The following NEBL variants were observed in gnomAD, a reference collection of about 807,000 sequenced individuals.
NEBL encodes the protein LIM and SH3 protein 2.
Under a neutral mutation model 140.2 loss-of-function variants are expected in NEBL, and 122 were observed. That is an observed-to-expected ratio of 0.87 (90% CI 0.75 to 1.01). The LOEUF is 1.01. NEBL is among the 50% of genes least tolerant of loss of function. The pLI is 0.00. For missense variants in NEBL, 1,365 were observed against 1,231.3 expected (o/e 1.11, Z -1.62); for synonymous variants, 436 against 398.9 (o/e 1.09, Z -1.11).
intron 2 of NEBL, among the ~76,000 whole-genome samples, chr10:21,134,741 T>A (rs1209978318): frequency 6.6e-6 from 1 of 152,222 alleles, no homozygotes; most frequent in Non-Finnish European, 1.5e-5. Context: ...TATAATTAGA[T>A]GGGGAAACCT....
chr10:20,914,044 C>G (rs1416558309), intron 4 of NEBL, among the ~76,000 whole-genome samples: 1 of 152,200 alleles, frequency 6.6e-6, no homozygotes, highest in African/African-American at 2.4e-5. Context: ...CTCCTCTGCA[C>G]AGACTATGAA....
At chr10:21,162,821 G>A (rs532341127) in intron 2 of NEBL, among the ~76,000 whole-genome samples, 32 of 152,328 alleles carry the variant, frequency 2.1e-4, no homozygotes, top group Non-Finnish European at 4.0e-4. Context: ...CACAAAGGTA[G>A]GCATAGCCTT....
chr10:20,858,888 TTAAG>T (rs1042600233), intron 8 of NEBL, among the ~76,000 whole-genome samples: 12 of 152,156 alleles, frequency 7.9e-5, no homozygotes, highest in African/African-American at 2.9e-4. Context: ...AGTAGGTACT[TTAAG>T]TAGCCCCATT....
At chr10:20,867,452 G>A (rs1258173853) in intron 7 of NEBL, among the ~76,000 whole-genome samples, 3 of 152,050 alleles carry the variant, frequency 2.0e-5, no homozygotes, top group Non-Finnish European at 2.9e-5. Flanking sequence ...AACTATAAAT[G>A]TGTAAAACTT....
intron 3 of NEBL, among the ~76,000 whole-genome samples, chr10:20,969,469 T>TA (rs60300897): frequency 7.3e-4 from 102 of 139,838 alleles, no homozygotes; most frequent in Middle Eastern, 3.7e-3. Context: ...TTCTTTTACT[T>TA]AAAAAAAAAA....
At chr10:21,195,451 TAA>T (rs772027907) in intron 3 of NEBL, among the ~76,000 whole-genome samples, 2 of 152,210 alleles carry the variant, frequency 1.3e-5, no homozygotes, top group African/African-American at 4.8e-5. Flanking sequence ...TTCTAGTAAT[TAA>T]ATTGACTATC....
At chr10:21,090,053 C>T (rs942713663) in intron 2 of NEBL, among the ~76,000 whole-genome samples, 1 of 152,190 alleles carries the variant, frequency 6.6e-6, no homozygotes, top group East Asian at 1.9e-4. Flanking sequence ...GAACATCCTG[C>T]TCACAACTCA....
intron 2 of NEBL, among the ~76,000 whole-genome samples, chr10:21,059,462 C>T (rs1041321608): frequency 5.3e-5 from 8 of 152,218 alleles, no homozygotes; most frequent in African/African-American, 1.9e-4. Flanking sequence ...TTTCTAGTAT[C>T]AAAAGGCACT....
At chr10:21,110,683 TG>T in intron 2 of NEBL, 1 of 472,624 alleles carries the variant, frequency 2.1e-6, no homozygotes, top group African/African-American at 2.0e-5. Flanking sequence ...CACCACCCCA[TG>T]GAAGGCTCAG....
intron 2 of NEBL, among the ~76,000 whole-genome samples, chr10:21,169,367 T>C (rs529592364): frequency 6.6e-6 from 1 of 152,036 alleles, no homozygotes; most frequent in African/African-American, 2.4e-5. Flanking sequence ...TTTCATTTTC[T>C]GGTAGCAGTA....
intron 2 of NEBL, among the ~76,000 whole-genome samples, chr10:21,063,681 T>C (rs372732985): frequency 2.0e-5 from 3 of 151,852 alleles, no homozygotes; most frequent in South Asian, 2.1e-4. Context: ...ATCTCTTGAG[T>C]TGAGGAGTCT....
upstream of NEBL, among the ~76,000 whole-genome samples, chr10:21,179,437 C>T (rs987626855): frequency 2.6e-5 from 4 of 152,130 alleles, no homozygotes; most frequent in Non-Finnish European, 5.9e-5. Context: ...CGTCCATGTC[C>T]TGATCATTTC....
chr10:20,988,928 A>G (rs1837355998), intron 3 of NEBL, among the ~76,000 whole-genome samples: 1 of 152,240 alleles, frequency 6.6e-6, no homozygotes, highest in African/African-American at 2.4e-5. Context: ...CCCAGTCCAT[A>G]GAGAAGTGCA....
intron 9 of NEBL, among the ~76,000 whole-genome samples, chr10:20,855,811 C>T (rs1843016526): frequency 6.6e-6 from 1 of 152,150 alleles, no homozygotes; most frequent in East Asian, 1.9e-4. Flanking sequence ...AAAAGTAACT[C>T]TGATGTTGCT....
chr10:21,202,638 A>G (rs1185538322), intron 3 of NEBL, among the ~76,000 whole-genome samples: 1 of 150,590 alleles, frequency 6.6e-6, no homozygotes, highest in East Asian at 1.9e-4. Context: ...AATTTTTTGT[A>G]TTTATAGTAG....
chr10:21,256,256 T>C (rs553757114), intron 1 of NEBL, among the ~76,000 whole-genome samples: 5 of 152,120 alleles, frequency 3.3e-5, no homozygotes, highest in Admixed American at 2.6e-4. Context: ...TTAGTAGAGA[T>C]GGGGTGTCAC....
intron 2 of NEBL, among the ~76,000 whole-genome samples, chr10:21,158,328 A>T (rs915651999): frequency 2.0e-5 from 3 of 152,242 alleles, no homozygotes; most frequent in Admixed American, 6.5e-5. Flanking sequence ...GAGAATAGGC[A>T]ATAGTAATAA....
At chr10:20,868,509 C>CATA in intron 7 of NEBL, 155 bp downstream of exon 7, 1 of 656,984 alleles carries the variant, frequency 1.5e-6, no homozygotes, top group Non-Finnish European at 2.7e-6. Flanking sequence ...TACTGAAATT[C>CATA]ATAATGATTG....
chr10:21,010,217 G>T (rs913560260), intron 3 of NEBL, among the ~76,000 whole-genome samples: 4 of 152,042 alleles, frequency 2.6e-5, no homozygotes, highest in African/African-American at 9.7e-5. Flanking sequence ...GAGATATATG[G>T]TTTTTGTTTG....
Sources: gnomAD v4.1 joint callset for allele counts (sites outside exome capture counted in the v4.1 genomes callset) on GRCh38, gnomAD v4.1.1 for gene constraint, MANE v1.5 for transcripts, NCBI Gene and HGNC (gene_info 2026-07-23, HGNC 2026-07-21) for gene names.